Variants in FBXL20 observed in about 807,000 individuals in gnomAD.
The protein encoded by FBXL20 is F-box/LRR-repeat protein 20.
Under a neutral mutation model 64.0 loss-of-function variants are expected in FBXL20, and 11 were observed. That is an observed-to-expected ratio of 0.17 (90% CI 0.11 to 0.28). The LOEUF (loss-of-function observed/expected upper bound fraction) is 0.28. FBXL20 is among the 10% of genes least tolerant of loss of function. The pLI is 1.00. For synonymous variants in FBXL20, 184 were observed against 189.0 expected, an observed-to-expected ratio of 0.97 and a Z score of 0.22; for missense variants, 303 against 526.2, an observed-to-expected ratio of 0.58 and a Z score of 4.15.
At chr17:39,377,747 T>C (rs1342958694) in intron 1 of FBXL20, among the ~76,000 whole-genome samples, 4 of 151,816 alleles carry the variant, frequency 2.6e-5, no homozygotes, top group Non-Finnish European at 4.4e-5. Context: ...CGTGATCCGC[T>C]CCCCCTAGGC....
intron 5 of FBXL20, among the ~76,000 whole-genome samples, 156 bp downstream of exon 5, chr17:39,298,834 A>G (rs1467872149): frequency 6.6e-6 from 1 of 152,188 alleles, no homozygotes; most frequent in Non-Finnish European, 1.5e-5. Flanking sequence ...TTACTGTTAA[A>G]ACTACATTTC....
rs553211115 is a variant in FBXL20 at position 39,262,770 on chromosome 17, G to A, written c.1204-1203C>T. ...TCCCAGCACTTTGGGAGGCTGAAGC[G>A]GGCGGATCACGAGGTCAGGAGGTCG... On this transcript the variant is annotated intron_variant, in intron 14 of 14. Coordinates refer to ENST00000264658, the MANE Select transcript of FBXL20 (RefSeq NM_032875.3). Among the ~76,000 whole-genome samples, 171 of 151,766 alleles carry A rather than the reference G, an allele frequency of 1.1e-3. 1 individual carries two copies. The highest frequency in any genetic ancestry group is 3.9e-3 in the African/African-American group (162 of 41,426).
intron 1 of FBXL20, among the ~76,000 whole-genome samples, chr17:39,399,804 C>A (rs1378440928): frequency 6.6e-6 from 1 of 152,126 alleles, no homozygotes; most frequent in Non-Finnish European, 1.5e-5. Flanking sequence ...TACAAAATAG[C>A]AATGTAATTT....
chr17:39,298,000 G>A (rs756129554), intron 5 of FBXL20, among the ~76,000 whole-genome samples: 2 of 152,174 alleles, frequency 1.3e-5, no homozygotes, highest in Non-Finnish European at 2.9e-5. Context: ...GCCTTTCAAA[G>A]TGCTGAGATT....
chr17:39,351,934 T>C (rs1837346761), intron 1 of FBXL20, among the ~76,000 whole-genome samples: 1 of 152,190 alleles, frequency 6.6e-6, no homozygotes, highest in African/African-American at 2.4e-5. Context: ...ATTATAATTG[T>C]TTTTCTATAA....
rs995305673 is a variant in FBXL20 at position 39,299,160 on chromosome 17, G to C, written c.235-76C>G. ...AAAAGAACACATACTCATTTTTAACGATTTATAAACAAAGAGAAAATGCTT... is the reference window on the plus strand; with the variant it reads ...AAAAGAACACATACTCATTTTTAACCATTTATAAACAAAGAGAAAATGCTT... On this transcript the variant is annotated intron_variant, in intron 4 of 14. Transcript: ENST00000264658. 3 of 1,029,674 alleles carry C rather than the reference G, an allele frequency of 2.9e-6. No homozygotes were observed. In the African/African-American group the frequency reaches 4.9e-5, roughly 17 times the overall value. The allele number at this position is 1,029,674 out of a possible 1,614,324, so 63.8% of individuals were successfully genotyped here.
chr17:39,328,248 C>CA (rs141259755), intron 2 of FBXL20, among the ~76,000 whole-genome samples: 2,277 of 54,966 alleles, frequency 0.041, 272 homozygotes, highest in African/African-American at 0.068. Flanking sequence ...AACTCTGCCT[C>CA]AAAAAAAAAA....
chr17:39,298,441 G>A (rs147149607), intron 5 of FBXL20, among the ~76,000 whole-genome samples: 36 of 152,262 alleles, frequency 2.4e-4, no homozygotes, highest in African/African-American at 8.7e-4. Context: ...GAACTAAGCT[G>A]GGTGCAGTGG....
chr17:39,325,688 T>C (rs936838894), intron 2 of FBXL20, among the ~76,000 whole-genome samples: 4 of 152,152 alleles, frequency 2.6e-5, no homozygotes, highest in Non-Finnish European at 5.9e-5. Context: ...TGAGGCAACA[T>C]AAATTCTGTT....
chr17:39,329,070 T>C (rs1302487236), intron 2 of FBXL20, among the ~76,000 whole-genome samples: 1 of 151,742 alleles, frequency 6.6e-6, no homozygotes, highest in Non-Finnish European at 1.5e-5. Flanking sequence ...ATAAATACAA[T>C]GTCTCAAAGT....
At chr17:39,308,157 TC>T (rs1193095326) in intron 2 of FBXL20, among the ~76,000 whole-genome samples, 2 of 151,144 alleles carry the variant, frequency 1.3e-5, no homozygotes, top group Admixed American at 6.6e-5. Context: ...TTTTTTTTTT[TC>T]CTAAAGACAG....
intron 1 of FBXL20, among the ~76,000 whole-genome samples, chr17:39,387,016 C>T (rs1156244622): frequency 2.0e-5 from 3 of 152,114 alleles, no homozygotes; most frequent in African/African-American, 7.2e-5. Flanking sequence ...CCCTGACTTA[C>T]GATGGTTTAA....
intron 1 of FBXL20, among the ~76,000 whole-genome samples, chr17:39,374,084 T>C (rs948522927): frequency 1.4e-5 from 2 of 141,292 alleles, no homozygotes; most frequent in Non-Finnish European, 3.1e-5. Flanking sequence ...TAGCCAGGCG[T>C]GGTGGTGGTG....
intron 1 of FBXL20, among the ~76,000 whole-genome samples, chr17:39,379,388 C>T (rs569974762): frequency 6.7e-6 from 1 of 149,150 alleles, no homozygotes; most frequent in African/African-American, 2.5e-5. Flanking sequence ...CATAGAAATT[C>T]TAACTTTGGG....
intron 12 of FBXL20, among the ~76,000 whole-genome samples, chr17:39,266,720 G>A (rs1037977589): frequency 5.9e-5 from 9 of 152,108 alleles, no homozygotes; most frequent in South Asian, 2.1e-4. Context: ...AGAATCTTTC[G>A]GTTTAAATCC....
intron 3 of FBXL20, among the ~76,000 whole-genome samples, chr17:39,301,817 G>A (rs2047138708): frequency 6.6e-6 from 1 of 151,892 alleles, no homozygotes; most frequent in Non-Finnish European, 1.5e-5. Context: ...GGTGAGCCAG[G>A]AGGTAAGGGC....
chr17:39,379,566 G>T (rs906735792), intron 1 of FBXL20, among the ~76,000 whole-genome samples: 15 of 150,972 alleles, frequency 9.9e-5, no homozygotes, highest in African/African-American at 3.7e-4. Context: ...GATCACTTGA[G>T]ATCAGGAGTT....
At chr17:39,392,196 T>C (rs1199172967) in intron 1 of FBXL20, among the ~76,000 whole-genome samples, 2 of 151,744 alleles carry the variant, frequency 1.3e-5, no homozygotes, top group Non-Finnish European at 2.9e-5. Flanking sequence ...TCCCAGCACT[T>C]TGGGAGGCCA....
Position 39,265,389 on chromosome 17 carries a change from A to C in FBXL20, c.990+8T>G, listed in dbSNP as rs2046781810. The C allele has an allele frequency of 5.0e-6, 8 of 1,605,054 alleles. No individual in the cohort carries two copies. The highest frequency in any genetic ancestry group is 6.8e-6 in the Non-Finnish European group (8 of 1,173,082). On this transcript the variant is annotated splice_region_variant and intron_variant, in intron 13 of 14. Transcript: ENST00000264658. Reference sequence around the variant, plus strand: ...GTAAACACATAAAGTTTTCAAAGTTAAACTCACCAATACTTGAAGTCGAGG... The same window carrying C: ...GTAAACACATAAAGTTTTCAAAGTTCAACTCACCAATACTTGAAGTCGAGG...
Sources: gnomAD v4.1 joint callset for allele counts (sites outside exome capture counted in the v4.1 genomes callset) on GRCh38, gnomAD v4.1.1 for gene constraint, MANE v1.5 for transcripts, NCBI Gene and HGNC (gene_info 2026-07-23, HGNC 2026-07-21) for gene names.